The following SLC8A1 variants were observed in gnomAD, a reference collection of about 807,000 sequenced individuals.
SLC8A1 encodes the protein solute carrier family 8 member A1, also known as sodium/calcium exchanger 1.
SLC8A1 carries 18 observed loss-of-function variants against 68.3 expected under a neutral mutation model. The ratio of observed to expected loss-of-function variants is 0.26; its 90% CI spans 0.18 to 0.39. The LOEUF is 0.39. Ranked by LOEUF, SLC8A1 falls within the 10% of genes least tolerant of loss-of-function variation. SLC8A1 has a pLI of 1.00. For synonymous variants in SLC8A1, 475 were observed against 415.5 expected (o/e 1.14, Z -1.74); for missense variants, 985 against 1,156.7 (o/e 0.85, Z 2.15).
chr2:40,468,128 A>G lies in SLC8A1; in HGVS notation c.-24-37824T>C, dbSNP rs142522593. Among the ~76,000 whole-genome samples the G allele has an allele frequency of 1.3e-4, 20 of 152,106 alleles. No homozygotes were observed. The East Asian group carries it at 2.7e-3, about 21-fold the overall frequency. On this transcript the variant is annotated intron_variant, in intron 1 of 7. Transcript: ENST00000402441. Reference sequence around the variant, plus strand: ...TAATATACCCATTTATTTTAATTTGATCTACATTATACCTTACACACAAGA... The same window carrying G: ...TAATATACCCATTTATTTTAATTTGGTCTACATTATACCTTACACACAAGA...
chr2:40,177,486 T>C (rs192483479), intron 3 of SLC8A1, among the ~76,000 whole-genome samples: 2 of 152,366 alleles, frequency 1.3e-5, no homozygotes, highest in Admixed American at 1.3e-4. Context: ...CATTCTTTTA[T>C]GTAATCATTT....
chr2:40,498,930 G>A (rs1016431924), intron 1 of SLC8A1, among the ~76,000 whole-genome samples: 8 of 151,916 alleles, frequency 5.3e-5, no homozygotes, highest in African/African-American at 9.7e-5. Context: ...CTGTCAACTC[G>A]CTCAACATAC....
At chr2:40,164,745 A>C in intron 5 of SLC8A1, 109 bp downstream of exon 8, 1 of 1,418,108 alleles carries the variant, frequency 7.1e-7, no homozygotes, top group Middle Eastern at 2.6e-4. Context: ...AGTTCCTGAA[A>C]TTACATCTAC....
intron 5 of SLC8A1, 64 bp downstream of exon 8, chr2:40,164,790 C>T (rs2046271137): frequency 2.5e-6 from 4 of 1,592,050 alleles, no homozygotes; most frequent in Non-Finnish European, 3.4e-6. Context: ...CTTTGGCCAA[C>T]CCTATGAACA....
At chr2:40,234,441 A>G (rs1236260796) in intron 2 of SLC8A1, among the ~76,000 whole-genome samples, 4 of 152,096 alleles carry the variant, frequency 2.6e-5, no homozygotes, top group Admixed American at 6.6e-5. Context: ...ATTTTGGTAC[A>G]TTGATTTTGT....
intron 2 of SLC8A1, among the ~76,000 whole-genome samples, chr2:40,284,378 T>C (rs146106155): frequency 0.064 from 9,408 of 147,042 alleles, 1,014 homozygotes; most frequent in African/African-American, 0.22. Context: ...TATTTATGTA[T>C]GATATATGAT....
At chr2:40,446,690 C>A (rs1191427631) in intron 1 of SLC8A1, 1 of 152,136 alleles carries the variant, frequency 6.6e-6, no homozygotes, top group East Asian at 1.9e-4. Context: ...TTTGGAGAGC[C>A]TTCCTTATTA....
At chr2:40,247,340 T>A (rs1332195806) in intron 2 of SLC8A1, among the ~76,000 whole-genome samples, 1 of 152,200 alleles carries the variant, frequency 6.6e-6, no homozygotes, top group Non-Finnish European at 1.5e-5. Context: ...TCCAGAAGTA[T>A]CTTGTTTTAT....
At chr2:40,450,058 T>G (rs1381570660) in intron 1 of SLC8A1, among the ~76,000 whole-genome samples, 1 of 152,116 alleles carries the variant, frequency 6.6e-6, no homozygotes, top group Non-Finnish European at 1.5e-5. Flanking sequence ...TGCCTCTTGA[T>G]GAAATAAGTT....
chr2:40,218,648 A>AT (rs2057853425), intron 2 of SLC8A1, among the ~76,000 whole-genome samples: 1 of 152,086 alleles, frequency 6.6e-6, no homozygotes, highest in African/African-American at 2.4e-5. Context: ...ACCTTAGCTT[A>AT]TGTACTTTAT....
chr2:40,184,898 C>CAAAAAAAAAAAAAAAAA (rs66662572), intron 2 of SLC8A1, among the ~76,000 whole-genome samples: 6 of 106,528 alleles, frequency 5.6e-5, no homozygotes, highest in Non-Finnish European at 7.5e-5. Flanking sequence ...TAACCAAAAA[C>CAAAAAAAAAAAAAAAAA]AAAAAAAAAA....
chr2:40,330,815 G>C (rs1271705458), intron 2 of SLC8A1, among the ~76,000 whole-genome samples: 1 of 152,126 alleles, frequency 6.6e-6, no homozygotes, highest in Non-Finnish European at 1.5e-5. Context: ...AGGCATTCTG[G>C]AAAAATGACA....
At chr2:40,299,995 T>C (rs1431961644) in intron 2 of SLC8A1, among the ~76,000 whole-genome samples, 1 of 152,112 alleles carries the variant, frequency 6.6e-6, no homozygotes. Flanking sequence ...GAATTGCGCA[T>C]ACAGCACCAA....
chr2:40,326,032 C>G (rs2075788154), intron 2 of SLC8A1, among the ~76,000 whole-genome samples: 1 of 152,078 alleles, frequency 6.6e-6, no homozygotes, highest in African/African-American at 2.4e-5. Context: ...CTGTCCTGAG[C>G]TGACTGACAA....
intron 7 of SLC8A1, among the ~76,000 whole-genome samples, chr2:40,128,592 A>G (rs2148180198): frequency 6.6e-6 from 1 of 152,282 alleles, no homozygotes; most frequent in South Asian, 2.1e-4. Flanking sequence ...GCATTTGTCT[A>G]TCATTAAACA....
intron 2 of SLC8A1, among the ~76,000 whole-genome samples, chr2:40,263,859 T>G (rs2065021059): frequency 6.6e-6 from 1 of 152,122 alleles, no homozygotes; most frequent in Non-Finnish European, 1.5e-5. Flanking sequence ...GGGATCTAAT[T>G]AAACTAAAGA....
chr2:40,177,958 A>C (rs2048768034), intron 2 of SLC8A1: 1 of 767,148 alleles, frequency 1.3e-6, no homozygotes, highest in African/African-American at 1.7e-5. Flanking sequence ...TGGAGGGAGA[A>C]CTGGCAGCAC....
intron 3 of SLC8A1, 28 bp from the exon 5 acceptor site, chr2:40,174,870 G>T: frequency 6.2e-7 from 1 of 1,600,604 alleles, no homozygotes; most frequent in South Asian, 1.1e-5. Flanking sequence ...AACAACAAAT[G>T]TTATAATTTG....
At chr2:40,358,048 GAAAA>G (rs776231355) in intron 2 of SLC8A1, among the ~76,000 whole-genome samples, 3 of 77,704 alleles carry the variant, frequency 3.9e-5, no homozygotes, top group Admixed American at 2.9e-4. Context: ...GCAACTGAAG[GAAAA>G]AAAAAAAAAA....
Sources: gnomAD v4.1 joint callset for allele counts (sites outside exome capture counted in the v4.1 genomes callset) on GRCh38, gnomAD v4.1.1 for gene constraint, MANE v1.5 for transcripts, NCBI Gene and HGNC (gene_info 2026-07-23, HGNC 2026-07-21) for gene names.